Variants in ARL15 observed in about 807,000 individuals in gnomAD.
ARL15 encodes ADP-ribosylation factor-like protein 15.
A neutral mutation model predicts 25.2 loss-of-function variants in ARL15; 19 were observed. The observed-to-expected ratio is 0.75, with a 90% confidence interval of 0.53 to 1.10. ARL15 has a LOEUF of 1.10. Among genes scored for constraint, ARL15 ranks in the 50% least tolerant of loss-of-function variants. ARL15 has a pLI of 0.00. For missense variants in ARL15, 220 were observed against 246.0 expected (o/e 0.89, Z 0.71); for synonymous variants, 94 against 86.8 (o/e 1.08, Z -0.46).
chr5:53,927,537 G>A (rs1268904531), intron 4 of ARL15, among the ~76,000 whole-genome samples: 1 of 152,046 alleles, frequency 6.6e-6, no homozygotes, highest in African/African-American at 2.4e-5. Flanking sequence ...GTTTCCCTAG[G>A]TCCGCATCAA....
chr5:54,067,390 T>C (rs1028732300), intron 4 of ARL15, among the ~76,000 whole-genome samples: 7 of 152,338 alleles, frequency 4.6e-5, no homozygotes, highest in African/African-American at 7.2e-5. Context: ...ACAGATTACC[T>C]GATTAAAGAT....
chr5:53,953,181 G>A (rs1020132630), intron 4 of ARL15, among the ~76,000 whole-genome samples: 1 of 152,128 alleles, frequency 6.6e-6, no homozygotes, highest in Non-Finnish European at 1.5e-5. Context: ...TTTGATTGGA[G>A]GCCTTATTTT....
In ARL15 at chr5:53,971,966, T is replaced by C. The variant is rs150897566; in HGVS notation, c.463-85253A>G. ...CATACTGAAATATTTATGGATGAAA[T>C]AGCATGGTATTTGGGATTGGCTTAA... On this transcript the variant is annotated intron_variant, in intron 4 of 4. Coordinates refer to ENST00000504924, the MANE Select transcript of ARL15 (RefSeq NM_019087.3). Among the ~76,000 whole-genome samples the C allele has an allele frequency of 9.9e-3, 1,504 of 152,276 alleles. 26 individuals carry two copies. The highest frequency in any genetic ancestry group is 0.035 in the African/African-American group (1,445 of 41,550).
chr5:54,103,311 C>T (rs1248970316), intron 4 of ARL15, among the ~76,000 whole-genome samples: 6 of 152,012 alleles, frequency 3.9e-5, no homozygotes, highest in Non-Finnish European at 5.9e-5. Flanking sequence ...AAGCTATGTG[C>T]TACCTTCAAA....
At chr5:54,098,648 A>T (rs1345961612) in intron 4 of ARL15, among the ~76,000 whole-genome samples, 1 of 152,212 alleles carries the variant, frequency 6.6e-6, no homozygotes, top group Admixed American at 6.5e-5. Flanking sequence ...TTAAAAACAC[A>T]CAGGTCTGAT....
chr5:54,073,588 G>A lies in ARL15; in HGVS notation c.462+39614C>T, dbSNP rs1030746162. ...AGTAGTAAACAATATAACACTCTGG[G>A]GAAAGCAAATGGAAATAGTCTAGTG... On this transcript the variant is annotated intron_variant, in intron 4 of 4. Transcript: ENST00000504924. 1.3e-5 allele frequency among the ~76,000 whole-genome samples: 2 copies of A among 152,270 alleles called. 1 individual carries two copies. Among genetic ancestry groups the A allele is most frequent in the African/African-American group, 4.8e-5 (2 of 41,548 alleles).
chr5:54,088,530 G>A (rs185594642), intron 4 of ARL15, among the ~76,000 whole-genome samples: 1 of 152,124 alleles, frequency 6.6e-6, no homozygotes, highest in African/African-American at 2.4e-5. Flanking sequence ...ACTCAGCTTG[G>A]TCAGAGGTAG....
chr5:53,970,685 G>A (rs1326628738), intron 4 of ARL15, among the ~76,000 whole-genome samples: 2 of 151,816 alleles, frequency 1.3e-5, no homozygotes, highest in African/African-American at 4.8e-5. Context: ...TAGATAGGCT[G>A]GAGGACAAGT....
chr5:54,239,354 G>A (rs1362062805), intron 1 of ARL15, among the ~76,000 whole-genome samples: 1 of 151,920 alleles, frequency 6.6e-6, no homozygotes, highest in African/African-American at 2.4e-5. Context: ...GTATCAGTTG[G>A]AAAAGACTCT....
Position 54,263,531 on chromosome 5 carries a change from G to T in ARL15, c.48+46901C>A, listed in dbSNP as rs555845899. Reference sequence around the variant, plus strand: ...AAGATGCATGTATGTATGCTTCCCAGCCCATTATTGTCTATAACCCTATGG... The same window carrying T: ...AAGATGCATGTATGTATGCTTCCCATCCCATTATTGTCTATAACCCTATGG... On this transcript the variant is annotated intron_variant, in intron 1 of 4. Transcript: ENST00000504924. 1.3e-3 allele frequency among the ~76,000 whole-genome samples: 192 copies of T among 152,206 alleles called. 1 individual carries two copies. The highest frequency in any genetic ancestry group is 4.5e-3 in the African/African-American group (185 of 41,540).
chr5:54,046,041 C>T (rs901885923), intron 4 of ARL15, among the ~76,000 whole-genome samples: 16 of 151,812 alleles, frequency 1.1e-4, no homozygotes, highest in African/African-American at 3.4e-4. Context: ...TCAGATAGTC[C>T]GTGTAGACTG....
chr5:54,249,187 T>C (rs1418722367), intron 1 of ARL15, among the ~76,000 whole-genome samples: 1 of 152,330 alleles, frequency 6.6e-6, no homozygotes, highest in Non-Finnish European at 1.5e-5. Flanking sequence ...TATCATAACT[T>C]GGCAGACAGG....
intron 1 of ARL15, among the ~76,000 whole-genome samples, chr5:54,273,834 G>C (rs771303226): frequency 6.6e-6 from 1 of 152,210 alleles, no homozygotes. Flanking sequence ...GCCACCAGAT[G>C]CTGGGGGAGG....
At chr5:53,891,721 CCTT>C (rs149053494) in intron 4 of ARL15, among the ~76,000 whole-genome samples, 13,447 of 152,162 alleles carry the variant, frequency 0.088, 782 homozygotes, top group South Asian at 0.14. Flanking sequence ...TATAACTGAC[CCTT>C]CTTAAGCCTG....
rs1345746710 is a variant in ARL15 at position 54,216,783 on chromosome 5, C to T, written c.49-44855G>A. 3.3e-5 allele frequency among the ~76,000 whole-genome samples: 5 copies of T among 152,240 alleles called. No homozygotes were observed. The East Asian group carries it at 9.6e-4, about 29-fold the overall frequency. ...CTAGCACAGGTTGTGGCTTATGCTG[C>T]AAATTTCTAGTTTATACAGTAGTTA... On this transcript the variant is annotated intron_variant, in intron 1 of 4. Coordinates refer to ENST00000504924, the MANE Select transcript of ARL15 (RefSeq NM_019087.3).
At chr5:53,903,732 C>T (rs1745144023) in intron 4 of ARL15, among the ~76,000 whole-genome samples, 12 of 152,192 alleles carry the variant, frequency 7.9e-5, no homozygotes, top group Admixed American at 7.2e-4. Context: ...CTCCTATTCT[C>T]TGTGCTTCTT....
intron 4 of ARL15, among the ~76,000 whole-genome samples, chr5:53,969,545 A>G (rs1747670508): frequency 1.3e-5 from 2 of 152,244 alleles, no homozygotes; most frequent in African/African-American, 4.8e-5. Context: ...GAAAGATTAA[A>G]TAATTTAGAA....
chr5:53,963,476 T>C (rs1490444421), intron 4 of ARL15, among the ~76,000 whole-genome samples: 1 of 152,172 alleles, frequency 6.6e-6, no homozygotes, highest in Admixed American at 6.5e-5. Flanking sequence ...AATAAATTCA[T>C]ACAAAATGAA....
chr5:53,996,618 T>TAAAAAAAAAAAAAAAAAAAAA (rs529752025), intron 4 of ARL15, among the ~76,000 whole-genome samples: 1 of 98,888 alleles, frequency 1.0e-5, no homozygotes, highest in South Asian at 3.2e-4. Context: ...GACTGTCTCA[T>TAAAAAAAAAAAAAAAAAAAAA]AAAAAAAAAA....
Sources: allele counts gnomAD v4.1 joint callset (sites outside exome capture counted in the v4.1 genomes callset), GRCh38; gene constraint gnomAD v4.1.1; transcripts MANE v1.5; gene names NCBI Gene and HGNC (gene_info 2026-07-23, HGNC 2026-07-21).